Variants in FREM2 observed in about 807,000 individuals in gnomAD.
FREM2 encodes FRAS1 related extracellular matrix 2.
FREM2 carries 119 observed loss-of-function variants against 219.9 expected under a neutral mutation model. That is an observed-to-expected ratio of 0.54 (90% confidence interval 0.47 to 0.63). The LOEUF (loss-of-function observed/expected upper bound fraction) is 0.63. Among genes scored for constraint, FREM2 ranks in the 30% least tolerant of loss-of-function variants. The pLI is 0.00. For synonymous variants in FREM2, 1,562 were observed against 1,522.8 expected, an observed-to-expected ratio of 1.03 and a Z score of -0.60; for missense variants, 4,030 against 3,993.6, an observed-to-expected ratio of 1.01 and a Z score of -0.25.
intron 11 of FREM2, 55 bp downstream of exon 11, chr13:38,851,923 G>A: frequency 6.8e-7 from 1 of 1,464,198 alleles, no homozygotes; most frequent in Non-Finnish European, 9.6e-7. Context: ...CTGTGTTTCA[G>A]TGCCAGTGCC....
intron 2 of FREM2, among the ~76,000 whole-genome samples, chr13:38,703,700 TTTTA>T (rs776158733): frequency 9.9e-5 from 15 of 152,154 alleles, no homozygotes; most frequent in East Asian, 3.8e-4. Flanking sequence ...TAAAACTCAA[TTTTA>T]TTTATTATTA....
chr13:38,694,545 T>G (rs1870026580), intron 1 of FREM2, among the ~76,000 whole-genome samples: 1 of 152,230 alleles, frequency 6.6e-6, no homozygotes, highest in Non-Finnish European at 1.5e-5. Flanking sequence ...TATGCAGTCC[T>G]TTTATTTCTT....
chr13:38,751,922 A>G (rs1198028568), intron 2 of FREM2, among the ~76,000 whole-genome samples: 3 of 151,908 alleles, frequency 2.0e-5, no homozygotes, highest in Non-Finnish European at 4.4e-5. Flanking sequence ...CCAAATATAC[A>G]AAATGAACAG....
At chr13:38,829,800 C>T (rs572316556) in intron 6 of FREM2, among the ~76,000 whole-genome samples, 5 of 151,920 alleles carry the variant, frequency 3.3e-5, no homozygotes, top group African/African-American at 7.2e-5. Context: ...AAGACACAAA[C>T]GGAATACACA....
Position 38,687,290 on chromosome 13 carries a change from G to A in FREM2, c.-55G>A. The stretch of plus-strand genomic sequence containing the variant: ...GGCGGTGTCTCTTGTTGTCTGCCCG[G>A]GGACCGACTTCGCATGCTCTCAGGC... On this transcript the variant is annotated 5_prime_UTR_variant, in exon 1 of 24. Coordinates refer to ENST00000280481, the MANE Select transcript of FREM2 (RefSeq NM_207361.6). The A allele has an allele frequency of 1.0e-5, 16 of 1,555,918 alleles. No individual in the cohort carries two copies. Among genetic ancestry groups the A allele is most frequent in the Non-Finnish European group, 1.4e-5 (16 of 1,149,740 alleles).
chr13:38,804,642 G>A (rs1022138562), intron 6 of FREM2, among the ~76,000 whole-genome samples: 3 of 152,172 alleles, frequency 2.0e-5, no homozygotes, highest in Non-Finnish European at 4.4e-5. Flanking sequence ...AGAGCAGAGT[G>A]TGATTAAAAG....
Position 38,687,805 on chromosome 13 carries a change from A to G in FREM2, c.461A>G (p.Gln154Arg). The G allele has an allele frequency of 6.5e-7, 1 of 1,542,554 alleles. No individual in the cohort carries two copies. The stretch of plus-strand genomic sequence containing the variant: ...CCGTCTCGGGACCGCGTCCGGCTGC[A>G]GCTGCGCTATGACGCGCCCGGAGGG... The part of the protein sequence containing the change: ...RSPSRDRVRL[Q>R]LRYDAPGGAV... Residue 154 changes from glutamine to arginine, a missense_variant, in exon 1 of 24, where the codon CAG (glutamine) becomes CGG (arginine). By Grantham distance (43) the Gln-to-Arg change is conservative. Around this residue, in one of 2 missense-constraint regions of FREM2, gnomAD observed 3,102 missense variants for 2,950.7 expected, o/e 1.05. Coordinates refer to ENST00000280481, the MANE Select transcript of FREM2 (RefSeq NM_207361.6).
chr13:38,859,976 C>G (rs1877704064), intron 14 of FREM2, among the ~76,000 whole-genome samples: 1 of 151,836 alleles, frequency 6.6e-6, no homozygotes, highest in Admixed American at 6.6e-5. Flanking sequence ...AGGGGAGGCT[C>G]AAGCTGAATC....
At chr13:38,694,291 G>T (rs1485129555) in intron 1 of FREM2, among the ~76,000 whole-genome samples, 1 of 152,142 alleles carries the variant, frequency 6.6e-6, no homozygotes, top group African/African-American at 2.4e-5. Context: ...TATGTGATGT[G>T]ACTTTTTAAG....
chr13:38,763,582 C>T (rs952092220), intron 2 of FREM2, among the ~76,000 whole-genome samples: 1 of 110,604 alleles, frequency 9.0e-6, no homozygotes, highest in East Asian at 2.7e-4. Flanking sequence ...TAGAGGGATG[C>T]GTGCAGAGTG....
chr13:38,798,295 G>T (rs1313312031), intron 6 of FREM2, among the ~76,000 whole-genome samples: 3 of 152,004 alleles, frequency 2.0e-5, no homozygotes, highest in African/African-American at 4.8e-5. Flanking sequence ...TGCATATGTT[G>T]AACCATCCTT....
chr13:38,830,948 G>A (rs1876484544), intron 6 of FREM2, among the ~76,000 whole-genome samples: 1 of 152,100 alleles, frequency 6.6e-6, no homozygotes, highest in African/African-American at 2.4e-5. Context: ...TAAAATCCTT[G>A]ACTCGGAGAA....
In FREM2 at chr13:38,687,085, A is replaced by G. The variant is rs7997838; in HGVS notation, c.-260A>G. ...CCGGGGACCTGGAAAGTAGAAGTGG[A>G]GGGATTCAATTCTCCGCGCGATTGA... On this transcript the variant is annotated 5_prime_UTR_variant, in exon 1 of 24. Coordinates refer to ENST00000280481, the MANE Select transcript of FREM2 (RefSeq NM_207361.6). The G allele has an allele frequency of 0.018, 10,448 of 578,076 alleles. 787 individuals are homozygous for G. The highest frequency in any genetic ancestry group is 0.17 in the African/African-American group (8,963 of 53,192). The allele number at this position is 578,076 out of a possible 1,614,324, so 35.8% of individuals were successfully genotyped here. A position where few individuals can be genotyped will look rare whatever the true frequency, so the allele number is the denominator to read the frequency against.
intron 2 of FREM2, among the ~76,000 whole-genome samples, chr13:38,729,273 G>A (rs1871666751): frequency 6.6e-6 from 1 of 152,080 alleles, no homozygotes. Context: ...GGGCTAGAAT[G>A]ATGATTTTCT....
At chr13:38,858,861 C>T (rs1472647338) in intron 13 of FREM2, among the ~76,000 whole-genome samples, 2 of 151,656 alleles carry the variant, frequency 1.3e-5, no homozygotes, top group Non-Finnish European at 2.9e-5. Context: ...AGAAAAGATG[C>T]TGAATTAGAC....
At position 38,689,167 on chromosome 13, in the gene FREM2, G is replaced by A. The variant is rs774621627; in HGVS notation, c.1823G>A (p.Gly608Glu). Residue 608 changes from glycine (G) to glutamate (E), a missense_variant, in exon 1 of 24, where the codon GGG becomes GAG. Gly to Glu is a moderately conservative substitution (Grantham distance 98, BLOSUM62 -2). Around this residue, in one of 2 missense-constraint regions of FREM2, gnomAD observed 3,102 missense variants for 2,950.7 expected, o/e 1.05. Transcript: ENST00000280481. ...FVLESPFLTT[G>E]HLLLRQTHPP... Reference sequence around the variant, plus strand: ...CTGGAGTCACCCTTCTTAACTACGGGGCATCTGCTTCTCCGCCAAACTCAC... The same window carrying A: ...CTGGAGTCACCCTTCTTAACTACGGAGCATCTGCTTCTCCGCCAAACTCAC... 14 of 1,613,888 alleles carry A rather than the reference G, an allele frequency of 8.7e-6. No homozygotes were observed. The highest frequency in any genetic ancestry group is 1.2e-5 in the Non-Finnish European group (14 of 1,180,012).
At chr13:38,759,252 A>G (rs1218656881) in intron 2 of FREM2, among the ~76,000 whole-genome samples, 1 of 152,156 alleles carries the variant, frequency 6.6e-6, no homozygotes, top group African/African-American at 2.4e-5. Context: ...ATTACCAACA[A>G]TATTTTCTAT....
intron 13 of FREM2, among the ~76,000 whole-genome samples, chr13:38,858,804 G>A (rs900635646): frequency 1.3e-5 from 2 of 152,094 alleles, no homozygotes; most frequent in Admixed American, 1.3e-4. Flanking sequence ...TGATCAGAGG[G>A]GTTAAACTGG....
intron 11 of FREM2, among the ~76,000 whole-genome samples, chr13:38,854,529 T>C (rs1877486178): frequency 6.6e-6 from 1 of 152,164 alleles, no homozygotes; most frequent in South Asian, 2.1e-4. Context: ...AAATCTCTAT[T>C]TTCTTATGAA....
Sources: gnomAD v4.1 joint callset for allele counts (sites outside exome capture counted in the v4.1 genomes callset) on GRCh38, gnomAD v4.1.1 for gene constraint, gnomAD v4.1.1 regional missense constraint, MANE v1.5 for transcripts, NCBI Gene and HGNC (gene_info 2026-07-23, HGNC 2026-07-21) for gene names.